Variants in MEGF11 observed in about 807,000 individuals in gnomAD.
MEGF11 encodes the protein multiple epidermal growth factor-like domains protein 11.
In MEGF11, 126 loss-of-function variants were observed where a neutral mutation model predicts 146.6. The ratio of observed to expected loss-of-function variants is 0.86; its 90% confidence interval spans 0.74 to 1.00. MEGF11 has a LOEUF of 1.00. Ranked by LOEUF, MEGF11 falls within the 50% of genes least tolerant of loss-of-function variation. The pLI is 0.00. For synonymous variants in MEGF11, 532 were observed against 583.4 expected (o/e 0.91, Z 1.27); for missense variants, 1,509 against 1,521.2 (o/e 0.99, Z 0.13).
chr15:65,973,078 C>CT (rs2081344769), intron 7 of MEGF11, among the ~76,000 whole-genome samples: 1 of 149,728 alleles, frequency 6.7e-6, no homozygotes, highest in Non-Finnish European at 1.5e-5. Flanking sequence ...GATCACACAA[C>CT]TGCACTCCAG....
At chr15:66,067,977 T>C (rs1232497737) in intron 5 of MEGF11, among the ~76,000 whole-genome samples, 1 of 152,216 alleles carries the variant, frequency 6.6e-6, no homozygotes, top group African/African-American at 2.4e-5. Flanking sequence ...ACTTACTAGC[T>C]GTGTGGCCTG....
At chr15:66,130,721 A>G (rs7495079) in intron 1 of MEGF11, among the ~76,000 whole-genome samples, 1 of 144,070 alleles carries the variant, frequency 6.9e-6, no homozygotes, top group African/African-American at 2.6e-5. Context: ...AGAAAAAGAA[A>G]GAGGGAGGGA....
intron 1 of MEGF11, among the ~76,000 whole-genome samples, chr15:66,247,769 G>A (rs576716649): frequency 2.6e-5 from 4 of 152,112 alleles, no homozygotes; most frequent in Non-Finnish European, 5.9e-5. Context: ...GGGCGCAGTG[G>A]CTCACACCTG....
chr15:65,950,584 GACACACAC>G (rs57977250), intron 10 of MEGF11, among the ~76,000 whole-genome samples: 1,704 of 148,900 alleles, frequency 0.011, 36 homozygotes, highest in African/African-American at 0.039. Context: ...TAGACACACA[GACACACAC>G]ACACACACAC....
At chr15:66,222,951 T>C (rs945744127) in intron 1 of MEGF11, among the ~76,000 whole-genome samples, 4 of 152,152 alleles carry the variant, frequency 2.6e-5, no homozygotes, top group Non-Finnish European at 5.9e-5. Flanking sequence ...ATGTTAAACA[T>C]AGAGTTACCA....
intron 5 of MEGF11, among the ~76,000 whole-genome samples, chr15:66,050,570 C>T (rs1235188714): frequency 6.6e-6 from 1 of 152,130 alleles, no homozygotes; most frequent in African/African-American, 2.4e-5. Context: ...CCTTAGACAC[C>T]CACATGGGGC....
At chr15:65,963,407 A>G (rs1465662673) in intron 9 of MEGF11, among the ~76,000 whole-genome samples, 1 of 152,188 alleles carries the variant, frequency 6.6e-6, no homozygotes, top group Non-Finnish European at 1.5e-5. Flanking sequence ...AGGGCCAGCC[A>G]CATATATTTC....
intron 1 of MEGF11, among the ~76,000 whole-genome samples, chr15:66,141,296 G>GAC (rs2089155856): frequency 6.7e-6 from 1 of 150,292 alleles, no homozygotes; most frequent in Non-Finnish European, 1.5e-5. Flanking sequence ...GTGTGAGAGA[G>GAC]AGAGAGAGAG....
chr15:66,059,272 A>C (rs1408196138), intron 5 of MEGF11, among the ~76,000 whole-genome samples: 1 of 152,142 alleles, frequency 6.6e-6, no homozygotes, highest in Non-Finnish European at 1.5e-5. Context: ...CACTAGCTCT[A>C]ACCTAAGTCT....
At chr15:66,130,380 T>C (rs992765679) in intron 1 of MEGF11, among the ~76,000 whole-genome samples, 1 of 152,164 alleles carries the variant, frequency 6.6e-6, no homozygotes, top group African/African-American at 2.4e-5. Context: ...TCTGTGGCCC[T>C]GACTCATTAC....
intron 1 of MEGF11, among the ~76,000 whole-genome samples, chr15:66,132,727 C>T (rs566946658): frequency 1.3e-5 from 2 of 152,092 alleles, no homozygotes; most frequent in South Asian, 2.1e-4. Flanking sequence ...TGCCATGTAC[C>T]GTGCCTATAT....
intron 1 of MEGF11, among the ~76,000 whole-genome samples, chr15:66,182,416 C>G (rs140069842): frequency 6.6e-6 from 1 of 151,652 alleles, no homozygotes; most frequent in African/African-American, 2.4e-5. Flanking sequence ...ATAGAACTGT[C>G]AAGCCAACAG....
intron 15 of MEGF11, 53 bp downstream of exon 15, chr15:65,922,285 C>A: frequency 6.3e-7 from 1 of 1,582,088 alleles, no homozygotes; most frequent in South Asian, 1.2e-5. Context: ...CTGCCACTTT[C>A]CTCCCAGAAC....
chr15:65,927,544 G>C (rs187303223), intron 13 of MEGF11, among the ~76,000 whole-genome samples: 14 of 152,326 alleles, frequency 9.2e-5, no homozygotes, highest in Admixed American at 5.9e-4. Context: ...AATTAATAAA[G>C]GGAGTGCTTT....
chr15:66,126,239 T>C (rs1413013844), intron 2 of MEGF11, among the ~76,000 whole-genome samples: 2 of 152,252 alleles, frequency 1.3e-5, no homozygotes, highest in East Asian at 3.9e-4. Flanking sequence ...ACAGGCTAGA[T>C]CCCTCCACAT....
chr15:65,909,471 G>C (rs1412020145), intron 22 of MEGF11, among the ~76,000 whole-genome samples: 1 of 152,032 alleles, frequency 6.6e-6, no homozygotes, highest in Non-Finnish European at 1.5e-5. Context: ...TCCAGATGGT[G>C]AGTGTGTCTT....
intron 4 of MEGF11, among the ~76,000 whole-genome samples, chr15:66,113,285 C>T (rs1403868198): frequency 6.6e-6 from 1 of 152,198 alleles, no homozygotes; most frequent in Middle Eastern, 3.2e-3. Context: ...GGCCCATCAG[C>T]TGCATACGTG....
chr15:66,216,300 G>GT (rs921136749), intron 1 of MEGF11, among the ~76,000 whole-genome samples: 35 of 152,328 alleles, frequency 2.3e-4, no homozygotes, highest in African/African-American at 7.9e-4. Flanking sequence ...CAGCCATCAT[G>GT]TAGGGGGATC....
chr15:66,041,145 T>G (rs2083958705), intron 5 of MEGF11, among the ~76,000 whole-genome samples: 1 of 152,150 alleles, frequency 6.6e-6, no homozygotes, highest in African/African-American at 2.4e-5. Context: ...AATTGGTAAA[T>G]AAGAAGCTGA....
Sources: allele counts gnomAD v4.1 joint callset (sites outside exome capture counted in the v4.1 genomes callset), GRCh38; gene constraint gnomAD v4.1.1; transcripts MANE v1.5; gene names NCBI Gene and HGNC (gene_info 2026-07-23, HGNC 2026-07-21).